Variants in EYS observed in about 807,000 individuals in gnomAD.
EYS encodes protein eyes shut homolog.
EYS carries 250 observed loss-of-function variants against 282.1 expected under a neutral mutation model. The ratio of observed to expected loss-of-function variants is 0.89; its 90% CI spans 0.80 to 0.98. The LOEUF is 0.98. Among genes scored for constraint, EYS ranks in the 50% least tolerant of loss-of-function variants. The probability of loss-of-function intolerance (pLI) is 0.00; values close to 1 mark genes in which losing one functional copy is unlikely to be tolerated. For synonymous variants in EYS, 1,355 were observed against 1,282.9 expected (o/e 1.06, Z -1.20); for missense variants, 4,016 against 3,709.0 (o/e 1.08, Z -2.15).
intron 35 of EYS, among the ~76,000 whole-genome samples, chr6:63,923,209 A>C (rs1764621341): frequency 6.6e-6 from 1 of 152,220 alleles, no homozygotes; most frequent in South Asian, 2.1e-4. Context: ...TCATTCCCCT[A>C]GAATAGAAAA....
chr6:65,685,077 A>AAG lies in EYS; in HGVS notation c.-448+22057_-448+22058insCT, dbSNP rs1467573130. Among the ~76,000 whole-genome samples the AAG allele has an allele frequency of 7.2e-5, 11 of 152,080 alleles. No homozygotes were observed. In the East Asian group the frequency reaches 1.9e-3, roughly 27 times the overall value. On this transcript the variant is annotated intron_variant, in intron 1 of 42. Coordinates refer to ENST00000503581, the MANE Select transcript of EYS (RefSeq NM_001142800.2). Reference sequence around the variant, plus strand: ...GTTATTTTTATGTAGTCCAACCTATAATAGGGTTAGAGTGAGGGTAATAAG... The same window carrying AAG: ...GTTATTTTTATGTAGTCCAACCTATAAGATAGGGTTAGAGTGAGGGTAATAAG...
chr6:64,077,608 T>C (rs986818707), intron 32 of EYS, among the ~76,000 whole-genome samples: 1 of 152,044 alleles, frequency 6.6e-6, no homozygotes, highest in African/African-American at 2.4e-5. Flanking sequence ...GAGTTGCTCA[T>C]GTAATTTGCC....
chr6:64,381,944 T>A (rs530222030), intron 29 of EYS, among the ~76,000 whole-genome samples: 24 of 152,308 alleles, frequency 1.6e-4, no homozygotes, highest in Admixed American at 3.3e-4. Flanking sequence ...ATAGAGGTGG[T>A]CATTTCTTTT....
At chr6:64,318,315 G>A (rs374078588) in intron 29 of EYS, among the ~76,000 whole-genome samples, 9 of 151,840 alleles carry the variant, frequency 5.9e-5, no homozygotes, top group African/African-American at 1.4e-4. Context: ...GCATTTGATG[G>A]CTTTAGCTCT....
At chr6:63,810,307 C>A (rs1290021479) in intron 36 of EYS, among the ~76,000 whole-genome samples, 2 of 140,724 alleles carry the variant, frequency 1.4e-5, no homozygotes, top group African/African-American at 5.3e-5. Context: ...AAAAACAACC[C>A]CCCCCCCCAA....
chr6:64,716,503 G>A (rs1771399702), intron 22 of EYS, among the ~76,000 whole-genome samples: 1 of 152,136 alleles, frequency 6.6e-6, no homozygotes, highest in Non-Finnish European at 1.5e-5. Context: ...TAACAATTGT[G>A]CCTTAATATC....
chr6:64,132,680 C>A (rs2150282755), intron 31 of EYS, among the ~76,000 whole-genome samples: 1 of 151,788 alleles, frequency 6.6e-6, no homozygotes, highest in East Asian at 1.9e-4. Flanking sequence ...TCTAAATATA[C>A]AGGACTCTTA....
chr6:64,390,967 C>T (rs1187779977), intron 28 of EYS, among the ~76,000 whole-genome samples: 6 of 151,410 alleles, frequency 4.0e-5, no homozygotes, highest in East Asian at 1.9e-4. Context: ...TCGAGAACTA[C>T]GTGAAGAATG....
intron 12 of EYS, among the ~76,000 whole-genome samples, chr6:65,140,069 AT>A (rs1764289467): frequency 6.6e-6 from 1 of 152,118 alleles, no homozygotes; most frequent in African/African-American, 2.4e-5. Flanking sequence ...AATGTGACAG[AT>A]TTTGTAATGA....
intron 8 of EYS, among the ~76,000 whole-genome samples, chr6:65,370,806 A>G (rs112995571): frequency 0.029 from 4,350 of 152,052 alleles, 108 homozygotes; most frequent in Middle Eastern, 0.054. Flanking sequence ...GGTTCCACCA[A>G]CTACATTTGG....
At chr6:65,617,901 C>A (rs926571189) in intron 2 of EYS, among the ~76,000 whole-genome samples, 3 of 152,036 alleles carry the variant, frequency 2.0e-5, no homozygotes, top group Non-Finnish European at 2.9e-5. Flanking sequence ...TTGATGGCTG[C>A]ATAGTATTCC....
intron 11 of EYS, among the ~76,000 whole-genome samples, chr6:65,306,076 T>C (rs1768996586): frequency 6.6e-6 from 1 of 152,178 alleles, no homozygotes. Context: ...ATAAGCATGA[T>C]GGAAATAATA....
chr6:64,552,660 G>A (rs969383663), intron 26 of EYS, among the ~76,000 whole-genome samples: 7 of 152,022 alleles, frequency 4.6e-5, no homozygotes, highest in Non-Finnish European at 1.0e-4. Flanking sequence ...CACACCTGTA[G>A]TCCCAGGACT....
At chr6:63,990,937 A>G (rs999540745) in intron 34 of EYS, among the ~76,000 whole-genome samples, 3 of 151,578 alleles carry the variant, frequency 2.0e-5, no homozygotes, top group African/African-American at 4.8e-5. Context: ...CATGCACCCA[A>G]TGTTCTGGCT....
At chr6:65,682,532 T>C (rs1283506871) in intron 1 of EYS, among the ~76,000 whole-genome samples, 1 of 151,996 alleles carries the variant, frequency 6.6e-6, no homozygotes, top group Non-Finnish European at 1.5e-5. Context: ...TTTCTTGAAA[T>C]ACAAATATTT....
intron 31 of EYS, among the ~76,000 whole-genome samples, chr6:64,204,564 C>G (rs1448430704): frequency 6.6e-6 from 1 of 152,164 alleles, no homozygotes; most frequent in East Asian, 1.9e-4. Context: ...GGATGAATCT[C>G]AAAAACACGC....
intron 37 of EYS, among the ~76,000 whole-genome samples, chr6:63,804,755 T>C (rs1770861364): frequency 1.3e-5 from 2 of 152,134 alleles, no homozygotes; most frequent in African/African-American, 2.4e-5. Flanking sequence ...AAGCCACAGA[T>C]GGGTTTTAAA....
chr6:65,128,308 A>G (rs1191328419), intron 12 of EYS, among the ~76,000 whole-genome samples: 1 of 152,064 alleles, frequency 6.6e-6, no homozygotes, highest in Non-Finnish European at 1.5e-5. Context: ...TATTCAATAT[A>G]GTATTGAAAA....
At chr6:64,556,718 A>C (rs1349680100) in intron 26 of EYS, among the ~76,000 whole-genome samples, 1 of 152,116 alleles carries the variant, frequency 6.6e-6, no homozygotes, top group Non-Finnish European at 1.5e-5. Context: ...AGGAACAAGA[A>C]TAGGCAGCTG....
Sources: allele counts gnomAD v4.1 joint callset (sites outside exome capture counted in the v4.1 genomes callset), GRCh38; gene constraint gnomAD v4.1.1; transcripts MANE v1.5; gene names NCBI Gene and HGNC (gene_info 2026-07-23, HGNC 2026-07-21).